The following CAMTA1 variants were observed in gnomAD, a reference collection of about 807,000 sequenced individuals.
CAMTA1 encodes calmodulin binding transcription activator 1.
Under a neutral mutation model 170.9 loss-of-function variants are expected in CAMTA1, and 27 were observed. The observed-to-expected ratio is 0.16, with a 90% CI of 0.12 to 0.22. The LOEUF (loss-of-function observed/expected upper bound fraction) is 0.22. Among genes scored for constraint, CAMTA1 ranks in the 10% least tolerant of loss-of-function variants. The pLI is 1.00. For synonymous variants in CAMTA1, 833 were observed against 891.5 expected (o/e 0.93, Z 1.17); for missense variants, 1,619 against 2,217.2 (o/e 0.73, Z 5.42).
intron 4 of CAMTA1, among the ~76,000 whole-genome samples, chr1:7,199,536 CCTT>C (rs1057144461): frequency 4.7e-4 from 71 of 152,330 alleles, no homozygotes; most frequent in Admixed American, 1.6e-3. Context: ...CTTCCCCTGT[CCTT>C]CTCCGAAGCA....
chr1:7,720,070 G>A (rs550368988), intron 11 of CAMTA1, among the ~76,000 whole-genome samples: 1 of 152,370 alleles, frequency 6.6e-6, no homozygotes, highest in East Asian at 1.9e-4. Flanking sequence ...GACCTGAGAT[G>A]GCTCAGCTCA....
chr1:7,062,216 C>T (rs6656489), intron 3 of CAMTA1, among the ~76,000 whole-genome samples: 43,920 of 152,072 alleles, frequency 0.29, 6,489 homozygotes, highest in East Asian at 0.35. Context: ...CCGCCCCCGG[C>T]GGTCCCATTA....
intron 9 of CAMTA1, among the ~76,000 whole-genome samples, chr1:7,666,815 A>T (rs570865042): frequency 6.6e-6 from 1 of 152,306 alleles, no homozygotes; most frequent in South Asian, 2.1e-4. Context: ...GAAGGATCAG[A>T]CTGGGCTTCC....
intron 6 of CAMTA1, among the ~76,000 whole-genome samples, chr1:7,582,883 T>TTG (rs2095273361): frequency 6.6e-6 from 1 of 151,784 alleles, no homozygotes; most frequent in Non-Finnish European, 1.5e-5. Flanking sequence ...TAGCAGCCTC[T>TTG]CGGTGGGTTT....
chr1:7,437,850 C>T (rs778175821), intron 5 of CAMTA1, among the ~76,000 whole-genome samples: 2 of 152,202 alleles, frequency 1.3e-5, no homozygotes, highest in Admixed American at 6.5e-5. Flanking sequence ...GGCGGTGTGT[C>T]CAGCACATGG....
intron 21 of CAMTA1, among the ~76,000 whole-genome samples, chr1:7,754,766 C>G (rs953650898): frequency 3.3e-5 from 5 of 152,130 alleles, no homozygotes; most frequent in Admixed American, 6.5e-5. Context: ...CTTTACTTGA[C>G]CATTTACAGT....
chr1:7,314,092 T>C (rs1677141972), intron 5 of CAMTA1, among the ~76,000 whole-genome samples: 2 of 152,242 alleles, frequency 1.3e-5, no homozygotes, highest in Non-Finnish European at 2.9e-5. Flanking sequence ...GATCCATTCC[T>C]AGGCTGAACA....
intron 12 of CAMTA1, among the ~76,000 whole-genome samples, chr1:7,734,959 A>C (rs2096760344): frequency 6.6e-6 from 1 of 152,224 alleles, no homozygotes; most frequent in Non-Finnish European, 1.5e-5. Flanking sequence ...TGTTGAAGTT[A>C]CTAACTTTCA....
At chr1:6,802,986 C>T (rs1408497130) in intron 1 of CAMTA1, among the ~76,000 whole-genome samples, 2 of 152,200 alleles carry the variant, frequency 1.3e-5, no homozygotes, top group Non-Finnish European at 1.5e-5. Flanking sequence ...CCAGCTCAAG[C>T]AATCCACCTG....
intron 5 of CAMTA1, among the ~76,000 whole-genome samples, chr1:7,381,032 G>A (rs1223251936): frequency 6.6e-6 from 1 of 152,210 alleles, no homozygotes; most frequent in Non-Finnish European, 1.5e-5. Flanking sequence ...AAGTGGTTAG[G>A]AAAATGTGCT....
At chr1:7,604,245 G>T (rs574239135) in intron 6 of CAMTA1, among the ~76,000 whole-genome samples, 1 of 152,154 alleles carries the variant, frequency 6.6e-6, no homozygotes, top group Non-Finnish European at 1.5e-5. Flanking sequence ...GCTAGATTGG[G>T]GAAGTTCTCC....
At chr1:6,852,330 A>G (rs1383307401) in intron 3 of CAMTA1, among the ~76,000 whole-genome samples, 1 of 152,062 alleles carries the variant, frequency 6.6e-6, no homozygotes, top group African/African-American at 2.4e-5. Flanking sequence ...TTTCATACCA[A>G]CCAATTCTCC....
chr1:6,926,720 TTTTC>T (rs1018947696), intron 3 of CAMTA1, among the ~76,000 whole-genome samples: 17 of 146,504 alleles, frequency 1.2e-4, no homozygotes, highest in Non-Finnish European at 1.8e-4. Flanking sequence ...TCCTTCTCTC[TTTTC>T]TTTCTTTCTT....
At chr1:7,514,769 A>G (rs1427693043) in intron 6 of CAMTA1, among the ~76,000 whole-genome samples, 1 of 152,140 alleles carries the variant, frequency 6.6e-6, no homozygotes, top group Non-Finnish European at 1.5e-5. Flanking sequence ...TGGTGCAGAC[A>G]TCCACCTGGA....
chr1:6,903,873 T>G (rs1677670195), intron 3 of CAMTA1, among the ~76,000 whole-genome samples: 1 of 152,242 alleles, frequency 6.6e-6, no homozygotes, highest in African/African-American at 2.4e-5. Flanking sequence ...TCCAGTTTCC[T>G]GTGGACATCG....
intron 4 of CAMTA1, among the ~76,000 whole-genome samples, chr1:7,245,207 A>G (rs1339632998): frequency 6.6e-6 from 1 of 150,880 alleles, no homozygotes; most frequent in Non-Finnish European, 1.5e-5. Flanking sequence ...GTGTGTATAT[A>G]TATATATATC....
At chr1:7,127,233 G>C (rs932537938) in intron 4 of CAMTA1, among the ~76,000 whole-genome samples, 2 of 143,178 alleles carry the variant, frequency 1.4e-5, no homozygotes, top group African/African-American at 5.2e-5. Flanking sequence ...GGGGTGAAGG[G>C]AAGGCCAGAG....
At chr1:7,175,246 C>A (rs1461534135) in intron 4 of CAMTA1, among the ~76,000 whole-genome samples, 1 of 141,712 alleles carries the variant, frequency 7.1e-6, no homozygotes, top group Non-Finnish European at 1.6e-5. Flanking sequence ...TGACATCTGG[C>A]CACGGTGCGG....
At chr1:7,520,617 G>C (rs1020632124) in intron 6 of CAMTA1, among the ~76,000 whole-genome samples, 1 of 151,986 alleles carries the variant, frequency 6.6e-6, no homozygotes, top group Non-Finnish European at 1.5e-5. Context: ...GGCTGCCCCA[G>C]AGGGGAGCAG....
Sources: allele counts gnomAD v4.1 joint callset (sites outside exome capture counted in the v4.1 genomes callset), GRCh38; gene constraint gnomAD v4.1.1; transcripts MANE v1.5; gene names NCBI Gene and HGNC (gene_info 2026-07-23, HGNC 2026-07-21).